The following CAPN3 variants were observed in gnomAD, a reference collection of about 807,000 sequenced individuals.
CAPN3 encodes calpain 3.
A neutral mutation model predicts 114.0 loss-of-function variants in CAPN3; 88 were observed. The ratio of observed to expected loss-of-function variants is 0.77; its 90% CI spans 0.65 to 0.92. The LOEUF is 0.92. Ranked by LOEUF, CAPN3 falls within the 40% of genes least tolerant of loss-of-function variation. The pLI, the probability that CAPN3 is intolerant of heterozygous loss-of-function variation, is 0.00. For missense variants in CAPN3, 1,028 were observed against 1,069.0 expected, an observed-to-expected ratio of 0.96 and a Z score of 0.53; for synonymous variants, 386 against 382.9, an observed-to-expected ratio of 1.01 and a Z score of -0.09.
At chr15:42,384,305 G>A (rs1443185607) in intron 1 of CAPN3, among the ~76,000 whole-genome samples, 178 bp from the exon 2 acceptor site, 2 of 152,098 alleles carry the variant, frequency 1.3e-5, no homozygotes, top group Non-Finnish European at 1.5e-5. Flanking sequence ...CCAGCTACTC[G>A]AGAGGCTGAG....
chr15:42,380,746 TA>T (rs1372086642), intron 1 of CAPN3, among the ~76,000 whole-genome samples: 620 of 57,266 alleles, frequency 0.011, 1 homozygote, highest in South Asian at 0.064. Flanking sequence ...TATATATATA[TA>T]TATATTTTTT....
intron 5 of CAPN3, 72 bp downstream of exon 5, chr15:42,389,168 G>C: frequency 7.0e-7 from 1 of 1,433,586 alleles, no homozygotes; most frequent in South Asian, 1.2e-5. Context: ...ATGAAGGGCA[G>C]CATAGAGCTT....
intron 14 of CAPN3, chr15:42,404,503 T>C: frequency 2.2e-6 from 1 of 454,300 alleles, no homozygotes; most frequent in Admixed American, 2.4e-5. Context: ...CAGAGCTCAG[T>C]AAGTGGCAGG....
chr15:42,397,834 T>G (rs8042603), intron 9 of CAPN3, among the ~76,000 whole-genome samples: 12,075 of 152,004 alleles, frequency 0.079, 1,533 homozygotes, highest in African/African-American at 0.26. Context: ...GTGGGCCTGG[T>G]CAACATATGG....
intron 15 of CAPN3, among the ~76,000 whole-genome samples, chr15:42,407,307 A>T (rs1237478194): frequency 6.6e-6 from 1 of 152,062 alleles, no homozygotes; most frequent in Non-Finnish European, 1.5e-5. Context: ...CCATTAAAGG[A>T]TGAGTAAACT....
chr15:42,390,056 C>T lies in CAPN3; in HGVS notation c.905C>T (p.Ser302Leu), dbSNP rs1223779045. The change falls in exon 6 of 24, where the codon TCA (serine) becomes TTA (leucine). Residue 302 changes from serine (S) to leucine (L), a missense_variant. Transcript: ENST00000397163. ...ATGGATAACTCACTGCTCCAGGACT[C>T]AGACCTCGACCCCAGAGGCTCAGAT... ...RNMDNSLLQD[S>L]DLDPRGSDER... The T allele has an allele frequency of 3.7e-6, 6 of 1,614,026 alleles. No homozygotes were observed. The African/African-American group carries it at 6.7e-5, about 18-fold the overall frequency.
At chr15:42,360,759 G>T (rs2052621197) in intron 1 of CAPN3, among the ~76,000 whole-genome samples, 1 of 152,138 alleles carries the variant, frequency 6.6e-6, no homozygotes, top group Non-Finnish European at 1.5e-5. Context: ...ACATGACAGA[G>T]CCCGGATTAA....
rs757855868 is a variant in CAPN3 at position 42,390,086 on chromosome 15, G to C, written c.935G>C (p.Arg312Thr). 1.2e-6 allele frequency: 2 copies of C among 1,614,096 alleles called. No individual in the cohort carries two copies. The highest frequency in any genetic ancestry group is 1.7e-6 in the Non-Finnish European group (2 of 1,180,014). ...SDLDPRGSDE[R>T]PTRTIIPVQY... Reference sequence around the variant, plus strand: ...CTCGACCCCAGAGGCTCAGATGAAAGACCGACCCGGGTGTGTACACCTCCG... The same window carrying C: ...CTCGACCCCAGAGGCTCAGATGAAACACCGACCCGGGTGTGTACACCTCCG... The change falls in exon 6 of 24, where the codon AGA (arginine) becomes ACA (threonine). Residue 312 changes from arginine to threonine, a missense_variant. Transcript: ENST00000397163.
At position 42,360,123 on chromosome 15, in the gene CAPN3, C is replaced by T. The variant is rs1296240794; in HGVS notation, c.309+9C>T. The T allele has an allele frequency of 6.2e-7, 1 of 1,614,134 alleles. No homozygotes were observed. The highest frequency in any genetic ancestry group is 2.2e-5 in the East Asian group (1 of 44,886). ...TCTGGAAGAGACCTCCGGTGAGTAG[C>T]TTCCTGCTTGCTGGCTGGGTTTTCC... On this transcript the variant is annotated intron_variant, in intron 1 of 23. Transcript: ENST00000397163.
chr15:42,398,650 T>C (rs911720126), intron 9 of CAPN3, among the ~76,000 whole-genome samples: 7 of 144,294 alleles, frequency 4.9e-5, no homozygotes, highest in South Asian at 2.2e-4. Context: ...TATACACACA[T>C]ATATATACAC....
chr15:42,391,058 G>T (rs538496536), intron 6 of CAPN3, among the ~76,000 whole-genome samples: 1 of 152,164 alleles, frequency 6.6e-6, no homozygotes, highest in African/African-American at 2.4e-5. Flanking sequence ...CTCCCAAAGT[G>T]CTGGGATTAC....
At chr15:42,370,088 G>A (rs574025125) in intron 1 of CAPN3, among the ~76,000 whole-genome samples, 1 of 151,872 alleles carries the variant, frequency 6.6e-6, no homozygotes, top group African/African-American at 2.4e-5. Context: ...GGCCAGGCTG[G>A]TCTCGAACTC....
intron 1 of CAPN3, among the ~76,000 whole-genome samples, chr15:42,380,854 G>T (rs2053234342): frequency 6.8e-6 from 1 of 146,972 alleles, no homozygotes. Flanking sequence ...GCCTCCCAAA[G>T]TGCTGGGATT....
At chr15:42,391,719 C>G (rs963296761) in intron 6 of CAPN3, among the ~76,000 whole-genome samples, 1 of 152,228 alleles carries the variant, frequency 6.6e-6, no homozygotes, top group Non-Finnish European at 1.5e-5. Context: ...TTGGAAATTT[C>G]TGCAAATGGA....
At chr15:42,373,266 A>G (rs2053002980) in intron 1 of CAPN3, among the ~76,000 whole-genome samples, 1 of 152,218 alleles carries the variant, frequency 6.6e-6, no homozygotes, top group Non-Finnish European at 1.5e-5. Flanking sequence ...TGGTGAGCCT[A>G]TTCAAAATGC....
At chr15:42,390,790 G>GTTTTTTTTTT (rs373599109) in intron 6 of CAPN3, among the ~76,000 whole-genome samples, 8 of 110,294 alleles carry the variant, frequency 7.3e-5, no homozygotes, top group Non-Finnish European at 1.2e-4. Context: ...TTGTTTTTTT[G>GTTTTTTTTTT]TTTTTTTTTT....
At chr15:42,404,036 C>T in intron 14 of CAPN3, 1 of 589,480 alleles carries the variant, frequency 1.7e-6, no homozygotes, top group South Asian at 1.5e-5. Flanking sequence ...GCAATTTGAA[C>T]AATCGGAGGG....
At chr15:42,410,388 T>G in intron 19 of CAPN3, 40 bp from the exon 20 acceptor site, 1 of 1,592,562 alleles carries the variant, frequency 6.3e-7, no homozygotes, top group Non-Finnish European at 8.6e-7. Flanking sequence ...TCCAGGGGGA[T>G]TTTGCTGTGT....
In CAPN3 at chr15:42,410,679, A is replaced by G. The variant is rs1247655278; in HGVS notation, c.2263+13A>G. ...GTCAACGACGCAGGTGCTGAGAAGG[A>G]AGGGGTGGCAGGGATGTGGACCCGA... On this transcript the variant is annotated intron_variant, in intron 21 of 23. Coordinates refer to ENST00000397163, the MANE Select transcript of CAPN3 (RefSeq NM_000070.3). 6.2e-7 allele frequency: 1 copy of G among 1,610,154 alleles called. No homozygotes were observed. The highest frequency in any genetic ancestry group is 8.5e-7 in the Non-Finnish European group (1 of 1,177,056).
Sources: allele counts gnomAD v4.1 joint callset (sites outside exome capture counted in the v4.1 genomes callset), GRCh38; gene constraint gnomAD v4.1.1; transcripts MANE v1.5; gene names NCBI Gene and HGNC (gene_info 2026-07-23, HGNC 2026-07-21).